Variants in ZNF536 observed in about 807,000 individuals in gnomAD.
ZNF536 encodes the protein zinc finger protein 536.
Under a neutral mutation model 84.5 loss-of-function variants are expected in ZNF536, and 13 were observed. That is an observed-to-expected ratio of 0.15 (90% CI 0.10 to 0.24). ZNF536 has a LOEUF of 0.24. Ranked by LOEUF, ZNF536 falls within the 10% of genes least tolerant of loss-of-function variation. The pLI, the probability that ZNF536 is intolerant of heterozygous loss-of-function variation, is 1.00. For missense variants in ZNF536, 1,536 were observed against 1,747.5 expected (o/e 0.88, Z 2.16); for synonymous variants, 811 against 742.5 (o/e 1.09, Z -1.50).
In ZNF536 at chr19:30,548,469, C is replaced by A. The variant is rs557820694; in HGVS notation, c.2850C>A (p.His950Gln). The change falls in exon 4 of 5, where the codon CAC becomes CAA. Residue 950 changes from histidine (H) to glutamine (Q), a missense_variant. Transcript: ENST00000355537. ...ALADPPSMKV[H>Q]GVDGGEEKPS... Reference sequence around the variant, plus strand: ...CTGACCCCCCTTCCATGAAAGTCCACGGAGTGGATGGTGGTGAGGAGAAAC... The same window carrying A: ...CTGACCCCCCTTCCATGAAAGTCCAAGGAGTGGATGGTGGTGAGGAGAAAC... 1 of 1,614,146 alleles carries A rather than the reference C, an allele frequency of 6.2e-7. No homozygotes were observed.
intron 1 of ZNF536, among the ~76,000 whole-genome samples, chr19:30,573,301 A>G (rs2046617817): frequency 6.6e-6 from 1 of 152,192 alleles, no homozygotes; most frequent in South Asian, 2.1e-4. Context: ...GACTTGCATT[A>G]GTAATAGTTT....
At chr19:30,305,694 G>T (rs2046321453) in intron 2 of ZNF536, among the ~76,000 whole-genome samples, 1 of 152,192 alleles carries the variant, frequency 6.6e-6, no homozygotes, top group Non-Finnish European at 1.5e-5. Flanking sequence ...ATCTGGGTTT[G>T]GGGTTTGGGG....
chr19:30,258,245 C>G (rs1232480881), intron 1 of ZNF536, among the ~76,000 whole-genome samples: 1 of 152,182 alleles, frequency 6.6e-6, no homozygotes, highest in Non-Finnish European at 1.5e-5. Context: ...CAATTCACCT[C>G]CAAGCCACTT....
intron 2 of ZNF536, among the ~76,000 whole-genome samples, chr19:30,463,257 C>T (rs1186809626): frequency 6.6e-6 from 1 of 152,158 alleles, no homozygotes; most frequent in Non-Finnish European, 1.5e-5. Context: ...TATCTGGGTT[C>T]TGAGACTGTC....
At position 30,385,173 on chromosome 19, in the gene ZNF536, G is replaced by T. The variant is rs541201948; in HGVS notation, c.-3+12617G>T. Among the ~76,000 whole-genome samples, 9 of 151,440 alleles carry T rather than the reference G, an allele frequency of 5.9e-5. No homozygotes were observed. The South Asian group carries it at 1.3e-3, about 21-fold the overall frequency. ...CAGGCATCCTTCTCTTTCATTCAGG[G>T]TAGGAAGGGCCTTTCCAGGAGCAGG... is the stretch of plus-strand genomic sequence containing the variant. On this transcript the variant is annotated intron_variant, in intron 1 of 4. Coordinates refer to ENST00000355537, the MANE Select transcript of ZNF536 (RefSeq NM_014717.3).
chr19:30,611,103 A>AG (rs1302338134), intron 1 of ZNF536, among the ~76,000 whole-genome samples: 1 of 152,098 alleles, frequency 6.6e-6, no homozygotes, highest in African/African-American at 2.4e-5. Flanking sequence ...GGGTTAGGAG[A>AG]GGGGGAGACC....
chr19:30,375,951 T>A (rs1293459488), intron 1 of ZNF536, among the ~76,000 whole-genome samples: 1 of 152,074 alleles, frequency 6.6e-6, no homozygotes, highest in African/African-American at 2.4e-5. Flanking sequence ...TGTGCACGTG[T>A]GTTTGAGGTT....
chr19:30,640,384 A>G (rs2049226746), intron 1 of ZNF536, among the ~76,000 whole-genome samples: 1 of 152,238 alleles, frequency 6.6e-6, no homozygotes, highest in Non-Finnish European at 1.5e-5. Context: ...TAGAAGTAAA[A>G]TAACGTCTTA....
chr19:30,659,283 A>G (rs747826227), intron 1 of ZNF536, among the ~76,000 whole-genome samples: 3 of 151,992 alleles, frequency 2.0e-5, no homozygotes, highest in African/African-American at 4.8e-5. Flanking sequence ...TGCTTCTTAC[A>G]TGGCCAGGGC....
At chr19:30,608,568 T>C (rs927473267) in intron 1 of ZNF536, among the ~76,000 whole-genome samples, 1 of 152,150 alleles carries the variant, frequency 6.6e-6, no homozygotes, top group African/African-American at 2.4e-5. Context: ...CTGATTCCAG[T>C]CTGGGACCTA....
At chr19:30,418,729 C>A (rs1232607645) in intron 1 of ZNF536, among the ~76,000 whole-genome samples, 2 of 152,100 alleles carry the variant, frequency 1.3e-5, no homozygotes, top group Non-Finnish European at 2.9e-5. Flanking sequence ...TTCCTTCATG[C>A]CACCATCACT....
chr19:30,628,646 G>T (rs899379721), intron 1 of ZNF536, among the ~76,000 whole-genome samples: 1 of 151,900 alleles, frequency 6.6e-6, no homozygotes, highest in Non-Finnish European at 1.5e-5. Context: ...AGCCAGGATG[G>T]TCTCGATCTC....
At chr19:30,515,810 G>A (rs1434366527) in intron 2 of ZNF536, among the ~76,000 whole-genome samples, 8 of 151,924 alleles carry the variant, frequency 5.3e-5, no homozygotes, top group African/African-American at 2.4e-5. Context: ...CAGATCACCC[G>A]AGGTCAGGAG....
chr19:30,325,465 G>T (rs2046993513), intron 2 of ZNF536, among the ~76,000 whole-genome samples: 1 of 152,178 alleles, frequency 6.6e-6, no homozygotes. Context: ...AATGGAAAAT[G>T]GGGTGCTCAC....
chr19:30,505,397 G>A (rs1001137044), intron 2 of ZNF536, among the ~76,000 whole-genome samples: 1 of 146,740 alleles, frequency 6.8e-6, no homozygotes, highest in African/African-American at 2.5e-5. Context: ...TATGGTATAA[G>A]ATATATTAAG....
chr19:30,328,868 G>T (rs2047119806), intron 2 of ZNF536, among the ~76,000 whole-genome samples: 1 of 152,226 alleles, frequency 6.6e-6, no homozygotes. Context: ...GAGGTACTTA[G>T]AAATATTGGC....
At chr19:30,461,981 G>C (rs150868239) in intron 2 of ZNF536, among the ~76,000 whole-genome samples, 348 of 152,286 alleles carry the variant, frequency 2.3e-3, no homozygotes, top group Admixed American at 5.6e-3. Flanking sequence ...TAGACAAAGA[G>C]AAAGAGAAGA....
chr19:30,436,499 A>C, intron 1 of ZNF536: 1 of 985,004 alleles, frequency 1.0e-6, no homozygotes, highest in Non-Finnish European at 1.2e-6. Context: ...CTTGCTCAGC[A>C]TAGCAAGCTC....
At chr19:30,644,469 A>G (rs1008495503) in intron 1 of ZNF536, among the ~76,000 whole-genome samples, 3 of 151,772 alleles carry the variant, frequency 2.0e-5, no homozygotes, top group African/African-American at 7.3e-5. Flanking sequence ...GCACCCAGTA[A>G]CTCGTCATTT....
Sources: allele counts gnomAD v4.1 joint callset (sites outside exome capture counted in the v4.1 genomes callset), GRCh38; gene constraint gnomAD v4.1.1; transcripts MANE v1.5; gene names NCBI Gene and HGNC (gene_info 2026-07-23, HGNC 2026-07-21).